Variants in CTBP2 observed in about 807,000 individuals in gnomAD.
CTBP2 encodes C-terminal binding protein 2, also known as C-terminal-binding protein 2.
Under a neutral mutation model 80.3 loss-of-function variants are expected in CTBP2, and 30 were observed. The ratio of observed to expected loss-of-function variants is 0.37; its 90% CI spans 0.28 to 0.51. CTBP2 has a LOEUF of 0.51. Among genes scored for constraint, CTBP2 ranks in the 20% least tolerant of loss-of-function variants. The probability of loss-of-function intolerance (pLI) is 0.93; values close to 1 mark genes in which losing one functional copy is unlikely to be tolerated. For synonymous variants in CTBP2, 594 were observed against 587.4 expected, an observed-to-expected ratio of 1.01 and a Z score of -0.16; for missense variants, 1,212 against 1,375.3, an observed-to-expected ratio of 0.88 and a Z score of 1.88.
At chr10:125,134,007 A>G (rs533604076) in intron 1 of CTBP2, among the ~76,000 whole-genome samples, 1 of 152,324 alleles carries the variant, frequency 6.6e-6, no homozygotes, top group South Asian at 2.1e-4. Context: ...TGTAAAACTT[A>G]GCAGGTAGGA....
At chr10:125,087,075 CTTTTTTT>C (rs564770474) in intron 2 of CTBP2, among the ~76,000 whole-genome samples, 1 of 136,558 alleles carries the variant, frequency 7.3e-6, no homozygotes, top group Non-Finnish European at 1.6e-5. Context: ...CAATTTCTTT[CTTTTTTT>C]TTTTTTTTTT....
intron 2 of CTBP2, among the ~76,000 whole-genome samples, chr10:125,042,229 C>T (rs183375349): frequency 1.3e-5 from 2 of 152,332 alleles, no homozygotes; most frequent in South Asian, 2.1e-4. Context: ...AAGCTATTTA[C>T]GAGGACTTAA....
chr10:125,135,644 A>G (rs1434606770), intron 1 of CTBP2, among the ~76,000 whole-genome samples: 4 of 152,108 alleles, frequency 2.6e-5, no homozygotes, highest in Admixed American at 6.5e-5. Flanking sequence ...CCCCACGCAC[A>G]CAGGCACCTC....
At chr10:125,022,757 C>T (rs576673463) in intron 1 of CTBP2, among the ~76,000 whole-genome samples, 77 of 152,324 alleles carry the variant, frequency 5.1e-4, no homozygotes, top group African/African-American at 1.8e-3. Context: ...GGACCTCACC[C>T]CCAAATGTCC....
intron 2 of CTBP2, among the ~76,000 whole-genome samples, chr10:125,083,307 C>G (rs1230176604): frequency 6.6e-6 from 1 of 152,176 alleles, no homozygotes; most frequent in East Asian, 1.9e-4. Context: ...GATTTGGCTT[C>G]TGGATAAAAA....
At chr10:125,015,596 T>G (rs1429548013) in intron 1 of CTBP2, among the ~76,000 whole-genome samples, 1 of 152,130 alleles carries the variant, frequency 6.6e-6, no homozygotes, top group Admixed American at 6.5e-5. Context: ...CCTAGAGGAC[T>G]CCCTCTGGCT....
intron 1 of CTBP2, among the ~76,000 whole-genome samples, chr10:125,126,649 TCGGCCCCAGAGAA>T (rs1855308704): frequency 6.6e-6 from 1 of 152,240 alleles, no homozygotes; most frequent in Non-Finnish European, 1.5e-5. Flanking sequence ...CCTCCCGGCC[TCGGCCCCAGAGAA>T]GCTACTATCT....
rs1262259817 is a variant in CTBP2 at position 124,985,035 on chromosome 10, A to G, written c.*4483T>C. On this transcript the variant is annotated 3_prime_UTR_variant, in exon 9 of 9. Coordinates refer to ENST00000309035, the MANE Select transcript of CTBP2 (RefSeq NM_022802.3). ...CAGAAGACCAAGGCATCAGATCTGT[A>G]ATGACCCTAAAGTTAGTGTGGTGCT... The G allele has an allele frequency of 2.0e-6, 3 of 1,466,240 alleles. No homozygotes were observed. The Admixed American group carries it at 5.8e-5, about 28-fold the overall frequency. The allele number at this position is 1,466,240 out of a possible 1,614,324, so 90.8% of individuals were successfully genotyped here. A position where few individuals can be genotyped will look rare whatever the true frequency, so the allele number is the denominator to read the frequency against.
At chr10:125,125,679 C>G (rs1436999189) in intron 1 of CTBP2, among the ~76,000 whole-genome samples, 2 of 152,186 alleles carry the variant, frequency 1.3e-5, no homozygotes, top group East Asian at 3.8e-4. Flanking sequence ...CACTCAGTGT[C>G]CAAAAACCAG....
chr10:124,991,988 C>A (rs898478962), intron 8 of CTBP2, among the ~76,000 whole-genome samples: 3 of 151,910 alleles, frequency 2.0e-5, no homozygotes, highest in Non-Finnish European at 4.4e-5. Flanking sequence ...TTCCCCCACT[C>A]TGCGTTCCCA....
At chr10:125,074,767 C>T (rs1445783554) in intron 2 of CTBP2, among the ~76,000 whole-genome samples, 1 of 152,234 alleles carries the variant, frequency 6.6e-6, no homozygotes, top group African/African-American at 2.4e-5. Flanking sequence ...TGTAGTACTT[C>T]CGTTTCCTTG....
At chr10:125,070,923 CTTGGCCTAAAA>C (rs2135450655) in intron 2 of CTBP2, among the ~76,000 whole-genome samples, 1 of 152,320 alleles carries the variant, frequency 6.6e-6, no homozygotes, top group East Asian at 1.9e-4. Flanking sequence ...AGCCACCATG[CTTGGCCTAAAA>C]TTTTTCTAAA....
rs766558328 is a variant in CTBP2 at position 125,027,432 on chromosome 10, A to G, written c.328T>C (p.Tyr110His). The G allele has an allele frequency of 1.1e-5, 17 of 1,613,782 alleles. No individual in the cohort carries two copies. Among genetic ancestry groups the G allele is most frequent in the Non-Finnish European group, 1.4e-5 (16 of 1,179,968 alleles). ...GCAGCTCCAGACGGATCACTGTAGTACTCCCGTGGCAGCAGGGGGCTGCGA... is the reference window on the plus strand; with the variant it reads ...GCAGCTCCAGACGGATCACTGTAGTGCTCCCGTGGCAGCAGGGGGCTGCGA... The change falls in exon 1 of 9, where the codon TAC (tyrosine) becomes CAC (histidine). Residue 110 changes from tyrosine to histidine, a missense_variant. Around this residue, in one of 3 missense-constraint regions of CTBP2, gnomAD observed 848 missense variants for 782.3 expected, o/e 1.08. Coordinates refer to ENST00000309035, the MANE Select transcript of CTBP2 (RefSeq NM_022802.3).
chr10:125,093,091 C>T (rs985024715), intron 2 of CTBP2, among the ~76,000 whole-genome samples: 16 of 152,218 alleles, frequency 1.1e-4, no homozygotes, highest in African/African-American at 3.6e-4. Context: ...ATCTCAGCCC[C>T]CTTCATCTGC....
chr10:125,017,317 T>C (rs1956598144), intron 1 of CTBP2, among the ~76,000 whole-genome samples: 1 of 152,328 alleles, frequency 6.6e-6, no homozygotes, highest in Non-Finnish European at 1.5e-5. Context: ...GGAGAGGCGA[T>C]AAAGGCAGGA....
chr10:125,082,122 C>T (rs914883152), intron 2 of CTBP2, among the ~76,000 whole-genome samples: 36 of 144,790 alleles, frequency 2.5e-4, no homozygotes, highest in Non-Finnish European at 2.1e-4. Context: ...TTGGCGTGCC[C>T]TCCCTGATGG....
intron 1 of CTBP2, among the ~76,000 whole-genome samples, chr10:125,140,352 G>A (rs1857594001): frequency 6.6e-6 from 1 of 151,330 alleles, no homozygotes; most frequent in Non-Finnish European, 1.5e-5. Flanking sequence ...GGCCAATCAC[G>A]ATGACTGCCG....
chr10:125,046,717 GTC>G (rs1961348151), intron 2 of CTBP2, among the ~76,000 whole-genome samples: 1 of 152,086 alleles, frequency 6.6e-6, no homozygotes, highest in African/African-American at 2.4e-5. Flanking sequence ...TACACAGCAA[GTC>G]TCTGAGCACA....
intron 1 of CTBP2, among the ~76,000 whole-genome samples, chr10:125,019,474 T>TAA (rs34198087): frequency 6.8e-6 from 1 of 147,426 alleles, no homozygotes; most frequent in African/African-American, 2.5e-5. Context: ...CTTTCTCACT[T>TAA]AAAAAAAAAA....
Sources: gnomAD v4.1 joint callset for allele counts (sites outside exome capture counted in the v4.1 genomes callset) on GRCh38, gnomAD v4.1.1 for gene constraint, gnomAD v4.1.1 regional missense constraint, MANE v1.5 for transcripts, NCBI Gene and HGNC (gene_info 2026-07-23, HGNC 2026-07-21) for gene names.